COL12A1: variants seen among roughly 807,000 people sequenced by gnomAD.
COL12A1 encodes collagen alpha-1(XII) chain.
A neutral mutation model predicts 349.7 loss-of-function variants in COL12A1; 114 were observed. That is an observed-to-expected ratio of 0.33 (90% CI 0.28 to 0.38). COL12A1 has a LOEUF of 0.38. Among genes scored for constraint, COL12A1 ranks in the 10% least tolerant of loss-of-function variants. The probability of loss-of-function intolerance (pLI) is 1.00; values close to 1 mark genes in which losing one functional copy is unlikely to be tolerated. For synonymous variants in COL12A1, 1,369 were observed against 1,329.0 expected (o/e 1.03, Z -0.66); for missense variants, 3,284 against 3,756.9 (o/e 0.87, Z 3.29).
Position 75,133,354 on chromosome 6 carries a change from C to A in COL12A1, c.5733G>T (p.Val1911=), listed in dbSNP as rs777921160. The change falls in exon 34 of 66, where the codon GTG becomes GTT. Residue 1911 remains valine, a synonymous_variant. Transcript: ENST00000322507. ...CTTCAGTATAAACGGGAACTACAGT[C>A]ACAGTGTATGAGGTATCTGGCTGCA... ...RNLQPDTSYT[V]TVVPVYTEGD... is the part of the protein sequence containing the mutation. 2 of 1,612,674 alleles carry A rather than the reference C, an allele frequency of 1.2e-6. No homozygotes were observed. Among genetic ancestry groups the A allele is most frequent in the East Asian group, 2.2e-5 (1 of 44,804 alleles).
chr6:75,167,754 A>G (rs1217604911), intron 13 of COL12A1, among the ~76,000 whole-genome samples: 2 of 152,254 alleles, frequency 1.3e-5, no homozygotes, highest in Admixed American at 1.3e-4. Flanking sequence ...ATCACAAGAC[A>G]TGTCTTCCTA....
chr6:75,145,963 G>T, intron 24 of COL12A1, 139 bp downstream of exon 24: 1 of 953,672 alleles, frequency 1.0e-6, no homozygotes, highest in Non-Finnish European at 1.5e-6. Flanking sequence ...ATGTGTTGCA[G>T]ACCACAAACC....
intron 10 of COL12A1, 43 bp from the exon 11 acceptor site, chr6:75,181,254 A>G (rs1769274475): frequency 2.6e-6 from 4 of 1,539,278 alleles, no homozygotes; most frequent in Non-Finnish European, 3.5e-6. Flanking sequence ...GCTTGAATCT[A>G]TAAAACAAAA....
chr6:75,202,193 C>G (rs1770562740), intron 2 of COL12A1, among the ~76,000 whole-genome samples: 1 of 152,212 alleles, frequency 6.6e-6, no homozygotes, highest in African/African-American at 2.4e-5. Context: ...CTCATCTGCC[C>G]GCACCGTCCG....
At chr6:75,102,211 C>G (rs998855682) in intron 56 of COL12A1, among the ~76,000 whole-genome samples, 159 bp from the exon 57 acceptor site, 1 of 152,186 alleles carries the variant, frequency 6.6e-6, no homozygotes, top group African/African-American at 2.4e-5. Context: ...ATGAATAAAC[C>G]TTTTTTGAAT....
In COL12A1 at chr6:75,086,437, G is replaced by T; in HGVS notation, c.*110C>A. The T allele has an allele frequency of 1.0e-6, 1 of 996,496 alleles. No individual in the cohort carries two copies. The highest frequency in any genetic ancestry group is 1.5e-6 in the Non-Finnish European group (1 of 672,240). The allele number at this position is 996,496 out of a possible 1,614,324, so 61.7% of individuals were successfully genotyped here. ...CCCGGTTCGTTAACCATTATCTGTG[G>T]TGAGATTTCCATACAGACTCATTTC... On this transcript the variant is annotated 3_prime_UTR_variant, in exon 66 of 66. Coordinates refer to ENST00000322507, the MANE Select transcript of COL12A1 (RefSeq NM_004370.6).
chr6:75,104,161 G>T (rs1768434390), intron 54 of COL12A1, among the ~76,000 whole-genome samples: 1 of 152,124 alleles, frequency 6.6e-6, no homozygotes, highest in Non-Finnish European at 1.5e-5. Flanking sequence ...GCAAAAAGAA[G>T]AGTATCTTAA....
chr6:75,104,845 T>C (rs1768470109), intron 54 of COL12A1, among the ~76,000 whole-genome samples: 1 of 152,222 alleles, frequency 6.6e-6, no homozygotes, highest in African/African-American at 2.4e-5. Context: ...GGTCAGCCTC[T>C]CAGCTGTGGC....
chr6:75,173,324 T>C (rs1768737572), intron 13 of COL12A1, among the ~76,000 whole-genome samples: 1 of 152,220 alleles, frequency 6.6e-6, no homozygotes, highest in Non-Finnish European at 1.5e-5. Context: ...TTAAATCTTT[T>C]TCTAGAAACA....
Position 75,183,288 on chromosome 6 carries a change from C to T in COL12A1, c.1653G>A (p.Gly551=). ...GATCTCTGAAAGCATCTGATGATTT[C>T]CCATCCGTGATAAGAATCATGACCT... is the stretch of plus-strand genomic sequence containing the variant. ...VPKVMILITD[G]KSSDAFRDPA... The change falls in exon 10 of 66, where the codon GGG becomes GGA. Residue 551 remains glycine (G), a synonymous_variant. Transcript: ENST00000322507. 1.2e-6 allele frequency: 2 copies of T among 1,614,168 alleles called. No individual in the cohort carries two copies. Among genetic ancestry groups the T allele is most frequent in the Non-Finnish European group, 1.7e-6 (2 of 1,180,022 alleles).
chr6:75,181,927 C>CA (rs547248236), intron 10 of COL12A1, among the ~76,000 whole-genome samples: 2,060 of 139,084 alleles, frequency 0.015, 54 homozygotes, highest in East Asian at 0.14. Flanking sequence ...CCGTCTCTAC[C>CA]AAAAAAAAAA....
chr6:75,153,420 T>C (rs1002202603), intron 17 of COL12A1, among the ~76,000 whole-genome samples: 16 of 152,130 alleles, frequency 1.1e-4, no homozygotes, highest in African/African-American at 3.9e-4. Flanking sequence ...AACAGCAAGA[T>C]TTGACACTTG....
intron 59 of COL12A1, 47 bp downstream of exon 59, chr6:75,097,206 G>T: frequency 6.5e-7 from 1 of 1,545,392 alleles, no homozygotes; most frequent in South Asian, 1.1e-5. Context: ...AATGAGGTGA[G>T]AGGGTGGGAG....
chr6:75,127,090 CT>C (rs750950886), intron 38 of COL12A1, among the ~76,000 whole-genome samples: 1 of 152,058 alleles, frequency 6.6e-6, no homozygotes. Flanking sequence ...TGAAAAACTT[CT>C]TTTTCATAAG....
At chr6:75,124,230 A>T (rs755595196) in intron 41 of COL12A1, 25 bp downstream of exon 41, 7 of 1,603,724 alleles carry the variant, frequency 4.4e-6, no homozygotes, top group Admixed American at 3.4e-5. Context: ...GCTCCAGATC[A>T]TTTTTTTCTT....
At chr6:75,140,104 A>T (rs1766819884) in intron 27 of COL12A1, among the ~76,000 whole-genome samples, 1 of 152,206 alleles carries the variant, frequency 6.6e-6, no homozygotes, top group Non-Finnish European at 1.5e-5. Context: ...AATATATATT[A>T]AAAATATTAA....
At chr6:75,115,098 A>G (rs1666829255) in intron 49 of COL12A1, among the ~76,000 whole-genome samples, 4 of 152,126 alleles carry the variant, frequency 2.6e-5, no homozygotes, top group Admixed American at 2.0e-4. Flanking sequence ...TGAATTTTCC[A>G]TCAGCTTTCT....
chr6:75,086,988 C>T (rs1383501760), intron 65 of COL12A1, among the ~76,000 whole-genome samples: 2 of 152,098 alleles, frequency 1.3e-5, no homozygotes, highest in African/African-American at 2.4e-5. Context: ...TCCAGATTGG[C>T]ATATCTACCC....
At chr6:75,197,355 C>T (rs1770283909) in intron 2 of COL12A1, among the ~76,000 whole-genome samples, 2 of 148,278 alleles carry the variant, frequency 1.3e-5, no homozygotes, top group Non-Finnish European at 3.0e-5. Context: ...TCTTGTTGCC[C>T]AGGCTGGAGT....
Sources: allele counts gnomAD v4.1 joint callset (sites outside exome capture counted in the v4.1 genomes callset), GRCh38; gene constraint gnomAD v4.1.1; transcripts MANE v1.5; gene names NCBI Gene and HGNC (gene_info 2026-07-23, HGNC 2026-07-21).